The following GRIK1 variants were observed in gnomAD, a reference collection of about 807,000 sequenced individuals.
GRIK1 encodes glutamate receptor ionotropic, kainate 1.
In GRIK1, 69 loss-of-function variants were observed where a neutral mutation model predicts 105.7. The observed-to-expected ratio is 0.65, with a 90% confidence interval of 0.54 to 0.80. The LOEUF (loss-of-function observed/expected upper bound fraction) is 0.80. GRIK1 is among the 30% of genes least tolerant of loss of function. GRIK1 has a pLI of 0.00. For missense variants in GRIK1, 1,109 were observed against 1,167.3 expected, an observed-to-expected ratio of 0.95 and a Z score of 0.73; for synonymous variants, 438 against 431.3, an observed-to-expected ratio of 1.02 and a Z score of -0.19.
intron 1 of GRIK1, chr21:29,761,413 C>CT (rs2065515187): frequency 6.6e-6 from 1 of 152,138 alleles, no homozygotes; most frequent in Non-Finnish European, 1.5e-5. Context: ...CCCTTGCTCT[C>CT]TTTGAGGTAC....
At chr21:29,775,440 A>G (rs1007846765) in intron 1 of GRIK1, among the ~76,000 whole-genome samples, 1 of 152,104 alleles carries the variant, frequency 6.6e-6, no homozygotes, top group Non-Finnish European at 1.5e-5. Flanking sequence ...CTCTCCAGCT[A>G]CCAAGGAGCT....
chr21:29,918,359 C>G (rs781151649), intron 1 of GRIK1, among the ~76,000 whole-genome samples: 3 of 151,962 alleles, frequency 2.0e-5, no homozygotes, highest in Non-Finnish European at 4.4e-5. Context: ...AAAAGCCCAG[C>G]GAAGTAGACA....
intron 1 of GRIK1, among the ~76,000 whole-genome samples, chr21:29,812,138 T>C (rs1326499953): frequency 6.6e-6 from 1 of 152,194 alleles, no homozygotes; most frequent in East Asian, 1.9e-4. Flanking sequence ...TTTCAATTAA[T>C]CTTTTTCAAA....
Position 29,933,586 on chromosome 21 carries a change from A to G in GRIK1, c.118+5797T>C, listed in dbSNP as rs2071646389. Among the ~76,000 whole-genome samples, 7 of 152,164 alleles carry G rather than the reference A, an allele frequency of 4.6e-5. 1 individual carries two copies. The South Asian group carries it at 1.5e-3, about 32-fold the overall frequency. ...TACTTGCTCAAATAGGTAATTGTGG[A>G]GCACAAAACTCTCACCCTGTTCATT... On this transcript the variant is annotated intron_variant, in intron 1 of 17. Transcript: ENST00000327783.
chr21:29,724,720 A>T (rs1372972779), intron 1 of GRIK1, among the ~76,000 whole-genome samples: 1 of 152,208 alleles, frequency 6.6e-6, no homozygotes, highest in Non-Finnish European at 1.5e-5. Flanking sequence ...GAACAATTTG[A>T]TAGAAGAGCA....
chr21:29,743,759 G>A (rs115122233), intron 1 of GRIK1, among the ~76,000 whole-genome samples: 2,315 of 152,148 alleles, frequency 0.015, 69 homozygotes, highest in African/African-American at 0.053. Flanking sequence ...AAATGTATCA[G>A]TGATTCAAAG....
intron 12 of GRIK1, among the ~76,000 whole-genome samples, chr21:29,582,936 TTATC>T (rs1404352114): frequency 6.6e-6 from 1 of 151,936 alleles, no homozygotes; most frequent in Admixed American, 6.6e-5. Flanking sequence ...GGTGAATACA[TTATC>T]TATATGAAAA....
intron 7 of GRIK1, among the ~76,000 whole-genome samples, chr21:29,619,266 G>A (rs2061930395): frequency 6.6e-6 from 1 of 151,926 alleles, no homozygotes; most frequent in South Asian, 2.1e-4. Flanking sequence ...GTGAAACCTC[G>A]TCTCTGCTAA....
intron 1 of GRIK1, among the ~76,000 whole-genome samples, chr21:29,766,557 T>C (rs2145717948): frequency 6.6e-6 from 1 of 152,290 alleles, no homozygotes; most frequent in East Asian, 1.9e-4. Context: ...AAGTTTTGGA[T>C]TTTATTCCAC....
At chr21:29,539,335 A>G (rs1156891528) in intron 16 of GRIK1, among the ~76,000 whole-genome samples, 1 of 152,166 alleles carries the variant, frequency 6.6e-6, no homozygotes, top group Non-Finnish European at 1.5e-5. Flanking sequence ...CACACATGGA[A>G]CACTTACACT....
intron 1 of GRIK1, among the ~76,000 whole-genome samples, chr21:29,751,567 T>C (rs760737134): frequency 1.3e-5 from 2 of 152,186 alleles, no homozygotes; most frequent in Non-Finnish European, 2.9e-5. Context: ...CATCTCTTAA[T>C]GATGTAGTCC....
At chr21:29,662,406 G>A (rs1160936981) in intron 4 of GRIK1, among the ~76,000 whole-genome samples, 5 of 152,142 alleles carry the variant, frequency 3.3e-5, no homozygotes, top group African/African-American at 1.2e-4. Context: ...GCAACATCTA[G>A]GGAAAATTGG....
chr21:29,936,208 T>C (rs2071748256), intron 1 of GRIK1, among the ~76,000 whole-genome samples: 2 of 152,200 alleles, frequency 1.3e-5, no homozygotes, highest in Admixed American at 1.3e-4. Flanking sequence ...CAATTCTTAA[T>C]CCTATTTTCA....
chr21:29,778,081 A>G (rs1015275379), intron 1 of GRIK1, among the ~76,000 whole-genome samples: 3 of 152,166 alleles, frequency 2.0e-5, no homozygotes, highest in Non-Finnish European at 2.9e-5. Flanking sequence ...TGAGGGTTAA[A>G]TGTGGTTGTG....
In GRIK1 at chr21:29,843,207, C is replaced by A. The variant is rs1237174625; in HGVS notation, c.118+96176G>T. ...GATTGGTGAATGATGGTTGCTAATGCCCTCCAGAGATCCCAGGTAATGACT... is the reference window on the plus strand; with the variant it reads ...GATTGGTGAATGATGGTTGCTAATGACCTCCAGAGATCCCAGGTAATGACT... On this transcript the variant is annotated intron_variant, in intron 1 of 17. Transcript: ENST00000327783. Among the ~76,000 whole-genome samples the A allele has an allele frequency of 2.6e-5, 4 of 152,232 alleles. No individual in the cohort carries two copies. The East Asian group carries it at 7.7e-4, about 29-fold the overall frequency.
chr21:29,819,415 TA>T (rs2067238781), intron 1 of GRIK1, among the ~76,000 whole-genome samples: 1 of 152,068 alleles, frequency 6.6e-6, no homozygotes, highest in African/African-American at 2.4e-5. Context: ...AGAGCCAAAT[TA>T]AAAATCAGAA....
chr21:29,707,771 C>T (rs1378044220), intron 1 of GRIK1, among the ~76,000 whole-genome samples: 3 of 151,914 alleles, frequency 2.0e-5, no homozygotes, highest in East Asian at 3.9e-4. Context: ...CGTAAACCAC[C>T]GCGCCTGGCC....
At chr21:29,687,412 C>A (rs915995964) in intron 3 of GRIK1, among the ~76,000 whole-genome samples, 1 of 152,196 alleles carries the variant, frequency 6.6e-6, no homozygotes, top group Non-Finnish European at 1.5e-5. Context: ...AACCCACTCA[C>A]AGTCACAAGG....
intron 7 of GRIK1, among the ~76,000 whole-genome samples, chr21:29,633,719 A>C (rs2062336216): frequency 6.6e-6 from 1 of 151,982 alleles, no homozygotes; most frequent in South Asian, 2.1e-4. Context: ...GGACCTAAAA[A>C]CCCACTCTTC....
Sources: allele counts gnomAD v4.1 joint callset (sites outside exome capture counted in the v4.1 genomes callset), GRCh38; gene constraint gnomAD v4.1.1; transcripts MANE v1.5; gene names NCBI Gene and HGNC (gene_info 2026-07-23, HGNC 2026-07-21).